The following GFOD2 variants were observed in gnomAD, a reference collection of about 807,000 sequenced individuals.
The protein encoded by GFOD2 is Gfo/Idh/MocA-like oxidoreductase domain containing 2, also known as glucose-fructose oxidoreductase domain-containing protein 2.
Under a neutral mutation model 24.6 loss-of-function variants are expected in GFOD2, and 9 were observed. The ratio of observed to expected loss-of-function variants is 0.37; its 90% CI spans 0.22 to 0.64. The LOEUF is 0.64. GFOD2 is among the 30% of genes least tolerant of loss of function. The pLI, the probability that GFOD2 is intolerant of heterozygous loss-of-function variation, is 0.65. For synonymous variants in GFOD2, 211 were observed against 224.8 expected (o/e 0.94, Z 0.55); for missense variants, 476 against 532.5 (o/e 0.89, Z 1.04).
chr16:67,676,197 T>C, intron 2 of GFOD2, 144 bp from the exon 3 acceptor site: 1 of 759,358 alleles, frequency 1.3e-6, no homozygotes, highest in Admixed American at 2.9e-5. Context: ...GGGGTCTTGC[T>C]ATGCTGCCCA....
chr16:67,681,771 T>C (rs1485141132), intron 2 of GFOD2: 10 of 985,284 alleles, frequency 1.0e-5, no homozygotes, highest in Non-Finnish European at 1.2e-5. Context: ...CAAGGACATC[T>C]TGACTTAAAC....
intron 2 of GFOD2, 64 bp from the exon 3 acceptor site, chr16:67,676,117 G>C: frequency 6.8e-7 from 1 of 1,462,390 alleles, no homozygotes; most frequent in Non-Finnish European, 9.2e-7. Flanking sequence ...ATGTCCGCCT[G>C]CCCTGAGGAT....
intron 1 of GFOD2, among the ~76,000 whole-genome samples, chr16:67,711,262 G>A (rs2053471245): frequency 6.6e-6 from 1 of 152,168 alleles, no homozygotes. Context: ...ATTAAATCCA[G>A]TGGTCAATTC....
chr16:67,712,423 T>C (rs1004174185), intron 1 of GFOD2, among the ~76,000 whole-genome samples: 5 of 142,420 alleles, frequency 3.5e-5, no homozygotes, highest in African/African-American at 1.1e-4. Context: ...GTGCCTGCGA[T>C]TGCAGGCGCG....
At position 67,698,739 on chromosome 16, in the gene GFOD2, G is replaced by A. The variant is rs530066695; in HGVS notation, c.-87-12937C>T. On this transcript the variant is annotated intron_variant, in intron 1 of 2. Coordinates refer to ENST00000268797, the MANE Select transcript of GFOD2 (RefSeq NM_030819.4). ...GGTGATCTGCCCACCTCGGCCTCCC[G>A]AAGTGTTGGGATTACAGGCGTGAGC... Among the ~76,000 whole-genome samples, 10 of 152,274 alleles carry A rather than the reference G, an allele frequency of 6.6e-5. No homozygotes were observed. In the South Asian group the frequency reaches 1.0e-3, roughly 16 times the overall value.
At position 67,675,583 on chromosome 16, in the gene GFOD2, G is replaced by C; in HGVS notation, c.730C>G (p.Pro244Ala). The C allele has an allele frequency of 1.9e-6, 3 of 1,613,388 alleles. No homozygotes were observed. The highest frequency in any genetic ancestry group is 2.5e-6 in the Non-Finnish European group (3 of 1,180,042). The change falls in exon 3 of 3, where the codon CCA (proline) becomes GCA (alanine). Residue 244 changes from proline (P) to alanine (A), a missense_variant. Coordinates refer to ENST00000268797, the MANE Select transcript of GFOD2 (RefSeq NM_030819.4). ...ATGACTTCATGCACAAAGGCGCCTG[G>C]CATGTTGAAGTTGAGTGTCACTGTG... is the stretch of plus-strand genomic sequence containing the variant. ...CSTVTLNFNM[P>A]GAFVHEVMVV...
chr16:67,702,169 C>T (rs1449112538), intron 1 of GFOD2, among the ~76,000 whole-genome samples: 3 of 152,274 alleles, frequency 2.0e-5, no homozygotes, highest in African/African-American at 2.4e-5. Flanking sequence ...AGAAGCCATA[C>T]GGCCCACACA....
At chr16:67,697,944 C>CT (rs1447924223) in intron 1 of GFOD2, among the ~76,000 whole-genome samples, 1 of 152,156 alleles carries the variant, frequency 6.6e-6, no homozygotes, top group Non-Finnish European at 1.5e-5. Flanking sequence ...AGAGTTTGGA[C>CT]TTTGACAGGT....
intron 1 of GFOD2, among the ~76,000 whole-genome samples, chr16:67,690,251 G>A (rs759299422): frequency 6.6e-6 from 1 of 152,184 alleles, no homozygotes; most frequent in Middle Eastern, 3.2e-3. Flanking sequence ...CCACCATACT[G>A]TTTTCCACAG....
At chr16:67,703,326 C>A (rs2053417114) in intron 1 of GFOD2, among the ~76,000 whole-genome samples, 1 of 152,120 alleles carries the variant, frequency 6.6e-6, no homozygotes, top group Admixed American at 6.6e-5. Context: ...TCGCTTGAAC[C>A]CAGGAAGTGG....
At chr16:67,701,472 C>T (rs1444944490) in intron 1 of GFOD2, among the ~76,000 whole-genome samples, 2 of 152,146 alleles carry the variant, frequency 1.3e-5, no homozygotes, top group East Asian at 3.8e-4. Flanking sequence ...ATCTCAAATG[C>T]ATTCTGCTAA....
chr16:67,690,275 T>C (rs1018060295), intron 1 of GFOD2, among the ~76,000 whole-genome samples: 1 of 152,216 alleles, frequency 6.6e-6, no homozygotes, highest in Admixed American at 6.5e-5. Flanking sequence ...CTGTACCATT[T>C]TACATTTCCT....
intron 2 of GFOD2, among the ~76,000 whole-genome samples, chr16:67,679,267 T>C (rs1454406567): frequency 1.3e-5 from 2 of 151,610 alleles, no homozygotes; most frequent in African/African-American, 2.4e-5. Flanking sequence ...AGTTTTGCTC[T>C]TGTCGCCCAG....
chr16:67,691,019 T>G (rs2053308601), intron 1 of GFOD2, among the ~76,000 whole-genome samples: 1 of 152,122 alleles, frequency 6.6e-6, no homozygotes, highest in African/African-American at 2.4e-5. Flanking sequence ...TGTGTCATCA[T>G]GCCCAGCTAA....
At chr16:67,680,574 C>T (rs996931341) in intron 2 of GFOD2, 3 of 238,310 alleles carry the variant, frequency 1.3e-5, no homozygotes, top group African/African-American at 7.0e-5. Context: ...CTCTCACTTC[C>T]TACCCCCACC....
intron 1 of GFOD2, among the ~76,000 whole-genome samples, chr16:67,708,425 A>C (rs1422022885): frequency 6.6e-6 from 1 of 152,200 alleles, no homozygotes; most frequent in Non-Finnish European, 1.5e-5. Flanking sequence ...TGCTGAGCGT[A>C]TCTGAAGATG....
chr16:67,703,753 G>C (rs921985733), intron 1 of GFOD2, among the ~76,000 whole-genome samples: 1 of 152,170 alleles, frequency 6.6e-6, no homozygotes, highest in African/African-American at 2.4e-5. Flanking sequence ...ACAGAAACTT[G>C]CCTCTGTTGC....
In GFOD2 at chr16:67,691,512, C is replaced by CCA. The variant is rs767023760; in HGVS notation, c.-87-5711_-87-5710insTG. Among the ~76,000 whole-genome samples the CCA allele has an allele frequency of 4.5e-4, 67 of 147,796 alleles. 1 individual carries two copies. The highest frequency in any genetic ancestry group is 5.4e-4 in the Admixed American group (8 of 14,922). On this transcript the variant is annotated intron_variant, in intron 1 of 2. Coordinates refer to ENST00000268797, the MANE Select transcript of GFOD2 (RefSeq NM_030819.4). ...AGCAAGTCACACTGTGCCTAGACCCCCCCCCAAAAAAAAAAAAATTAAGAC... is the reference window on the plus strand; with the variant it reads ...AGCAAGTCACACTGTGCCTAGACCCCCACCCCCAAAAAAAAAAAAATTAAGAC...
At chr16:67,714,144 T>C (rs183968749) in intron 1 of GFOD2, among the ~76,000 whole-genome samples, 2 of 152,178 alleles carry the variant, frequency 1.3e-5, no homozygotes, top group Admixed American at 1.3e-4. Context: ...GTTACACATT[T>C]ATGACATTTT....
Sources: gnomAD v4.1 joint callset for allele counts (sites outside exome capture counted in the v4.1 genomes callset) on GRCh38, gnomAD v4.1.1 for gene constraint, MANE v1.5 for transcripts, NCBI Gene and HGNC (gene_info 2026-07-23, HGNC 2026-07-21) for gene names.